CERS6: variants seen among roughly 807,000 people sequenced by gnomAD.
CERS6 encodes the protein ceramide synthase 6, also known as LAG1 homolog, ceramide synthase 6.
Under a neutral mutation model 56.8 loss-of-function variants are expected in CERS6, and 26 were observed. That is an observed-to-expected ratio of 0.46 (90% CI 0.34 to 0.63). The LOEUF (loss-of-function observed/expected upper bound fraction) is 0.63, where lower values mean the gene tolerates loss of function less well. CERS6 is among the 30% of genes least tolerant of loss of function. The pLI is 0.01. For synonymous variants in CERS6, 164 were observed against 173.3 expected, an observed-to-expected ratio of 0.95 and a Z score of 0.42; for missense variants, 415 against 467.5, an observed-to-expected ratio of 0.89 and a Z score of 1.04.
intron 1 of CERS6, among the ~76,000 whole-genome samples, chr2:168,490,613 G>A: frequency 6.6e-6 from 1 of 152,120 alleles, no homozygotes. Flanking sequence ...TAAGTTTACA[G>A]GATATGACTT....
intron 1 of CERS6, among the ~76,000 whole-genome samples, chr2:168,461,992 T>A (rs1169593562): frequency 6.6e-6 from 1 of 152,218 alleles, no homozygotes; most frequent in Non-Finnish European, 1.5e-5. Context: ...TGTCAGACAT[T>A]GCTGCACCAT....
chr2:168,759,476 C>T (rs968901599), intron 8 of CERS6, among the ~76,000 whole-genome samples: 1 of 152,104 alleles, frequency 6.6e-6, no homozygotes, highest in African/African-American at 2.4e-5. Context: ...CCTCTATACT[C>T]TCCATTAGAC....
chr2:168,518,639 C>T (rs576057390), intron 1 of CERS6, among the ~76,000 whole-genome samples: 5 of 152,234 alleles, frequency 3.3e-5, no homozygotes, highest in African/African-American at 4.8e-5. Flanking sequence ...AGCTCTCTGA[C>T]GTGATCCCTT....
At chr2:168,670,971 C>A (rs113115459) in intron 4 of CERS6, among the ~76,000 whole-genome samples, 6 of 57,000 alleles carry the variant, frequency 1.1e-4, no homozygotes, top group Non-Finnish European at 1.5e-4. Flanking sequence ...ATGCTTCCCC[C>A]CCCCCCCCCA....
chr2:168,726,730 A>T (rs1299943527), intron 8 of CERS6, among the ~76,000 whole-genome samples: 2 of 152,248 alleles, frequency 1.3e-5, no homozygotes, highest in Admixed American at 6.5e-5. Flanking sequence ...TTCTTTATAA[A>T]TATTAGGCAT....
intron 1 of CERS6, among the ~76,000 whole-genome samples, chr2:168,510,609 G>T (rs1694761875): frequency 6.6e-6 from 1 of 152,194 alleles, no homozygotes; most frequent in Admixed American, 6.5e-5. Context: ...AGTGAAGTGT[G>T]ACTGTGTTGT....
chr2:168,459,643 T>C (rs548244320), intron 1 of CERS6, among the ~76,000 whole-genome samples: 138 of 150,332 alleles, frequency 9.2e-4, no homozygotes, highest in African/African-American at 3.0e-3. Flanking sequence ...TTTTTTTTTT[T>C]CCCCCAACTG....
At chr2:168,476,494 T>C (rs1192393362) in intron 1 of CERS6, among the ~76,000 whole-genome samples, 2 of 152,090 alleles carry the variant, frequency 1.3e-5, no homozygotes, top group Non-Finnish European at 2.9e-5. Flanking sequence ...GATAGATAGA[T>C]AAATATGTTA....
At chr2:168,505,815 A>G (rs1041176450) in intron 1 of CERS6, among the ~76,000 whole-genome samples, 1 of 152,208 alleles carries the variant, frequency 6.6e-6, no homozygotes, top group Non-Finnish European at 1.5e-5. Context: ...GGTTTCTTCT[A>G]GCTCAATCAG....
intron 1 of CERS6, among the ~76,000 whole-genome samples, chr2:168,523,103 A>G (rs369628621): frequency 1.2e-4 from 18 of 152,194 alleles, no homozygotes; most frequent in African/African-American, 1.2e-4. Context: ...CATGTAGGTC[A>G]GTTGTTCTGG....
At chr2:168,754,960 A>G (rs1164983270) in intron 8 of CERS6, among the ~76,000 whole-genome samples, 1 of 152,100 alleles carries the variant, frequency 6.6e-6, no homozygotes, top group Non-Finnish European at 1.5e-5. Context: ...TTTTGTAGAG[A>G]CAAGGTCCCA....
At chr2:168,701,640 T>C (rs1464221195) in intron 6 of CERS6, among the ~76,000 whole-genome samples, 1 of 152,152 alleles carries the variant, frequency 6.6e-6, no homozygotes, top group Admixed American at 6.5e-5. Flanking sequence ...CATGGGGAAT[T>C]GGTTCCAGGA....
chr2:168,638,153 G>A (rs1337921439), intron 4 of CERS6, among the ~76,000 whole-genome samples: 1 of 152,128 alleles, frequency 6.6e-6, no homozygotes, highest in Non-Finnish European at 1.5e-5. Flanking sequence ...TACTAGCAAA[G>A]CTGAGAATCT....
intron 1 of CERS6, among the ~76,000 whole-genome samples, chr2:168,531,820 CAA>C (rs370604357): frequency 2.4e-4 from 23 of 95,528 alleles, no homozygotes; most frequent in South Asian, 6.8e-4. Context: ...GACTCTGTCT[CAA>C]AAAAAAAAAA....
intron 1 of CERS6, among the ~76,000 whole-genome samples, chr2:168,484,129 T>A (rs1249541841): frequency 6.6e-6 from 1 of 151,776 alleles, no homozygotes; most frequent in Non-Finnish European, 1.5e-5. Context: ...GCTGTTGTTT[T>A]TAGTACCTAT....
chr2:168,754,380 T>A (rs960932616), intron 8 of CERS6, among the ~76,000 whole-genome samples: 3 of 152,174 alleles, frequency 2.0e-5, no homozygotes, highest in Non-Finnish European at 4.4e-5. Flanking sequence ...TTTCAGAAAT[T>A]TTTTCAGATC....
chr2:168,563,660 G>A (rs1224655121), intron 3 of CERS6, among the ~76,000 whole-genome samples: 1 of 152,120 alleles, frequency 6.6e-6, no homozygotes, highest in Non-Finnish European at 1.5e-5. Flanking sequence ...AGCCAGATGT[G>A]GTGGCAGGCG....
intron 4 of CERS6, among the ~76,000 whole-genome samples, chr2:168,681,226 T>TTA (rs1186327378): frequency 1.3e-5 from 2 of 152,248 alleles, no homozygotes; most frequent in African/African-American, 4.8e-5. Context: ...ATCACTCTAC[T>TTA]GAGTGCAAGG....
chr2:168,711,625 T>C (rs1358897646), intron 6 of CERS6, among the ~76,000 whole-genome samples: 1 of 151,198 alleles, frequency 6.6e-6, no homozygotes, highest in East Asian at 1.9e-4. Context: ...TCCCAGCTAC[T>C]TGGGTGGCTG....
Sources: gnomAD v4.1 joint callset for allele counts (sites outside exome capture counted in the v4.1 genomes callset) on GRCh38, gnomAD v4.1.1 for gene constraint, MANE v1.5 for transcripts, NCBI Gene and HGNC (gene_info 2026-07-23, HGNC 2026-07-21) for gene names.